The following UHMK1 variants were observed in gnomAD, a reference collection of about 807,000 sequenced individuals.
The protein encoded by UHMK1 is serine/threonine-protein kinase Kist.
A neutral mutation model predicts 44.0 loss-of-function variants in UHMK1; 18 were observed. That is an observed-to-expected ratio of 0.41 (90% CI 0.28 to 0.61). UHMK1 has a LOEUF of 0.61. Ranked by LOEUF, UHMK1 falls within the 20% of genes least tolerant of loss-of-function variation. The pLI is 0.31. For synonymous variants in UHMK1, 231 were observed against 198.5 expected, an observed-to-expected ratio of 1.16 and a Z score of -1.38; for missense variants, 463 against 522.5, an observed-to-expected ratio of 0.89 and a Z score of 1.11.
chr1:162,510,351 G>A (rs561290893), intron 4 of UHMK1, among the ~76,000 whole-genome samples: 13 of 152,188 alleles, frequency 8.5e-5, no homozygotes, highest in Admixed American at 2.6e-4. Flanking sequence ...TTTGGCTTTG[G>A]CCAATGTCTC....
chr1:162,501,135 C>T, intron 3 of UHMK1, 31 bp downstream of exon 3: 2 of 1,596,764 alleles, frequency 1.3e-6, no homozygotes, highest in Non-Finnish European at 1.7e-6. Context: ...GCTTTGGGGT[C>T]CTTACTTTCA....
chr1:162,512,523 G>A lies in UHMK1; in HGVS notation c.872G>A (p.Arg291Lys), dbSNP rs933244552. 6.2e-7 allele frequency: 1 copy of A among 1,612,930 alleles called. No individual in the cohort carries two copies. The highest frequency in any genetic ancestry group is 1.7e-5 in the Admixed American group (1 of 59,720). Residue 291 changes from arginine (R) to lysine (K), a missense_variant, in exon 5 of 8, where the codon AGA (arginine) becomes AAA (lysine). Transcript: ENST00000489294. ...IKSMLHDDPSRRIPAEMALCS... is the reference protein window; with the variant it reads ...IKSMLHDDPSKRIPAEMALCS... The stretch of plus-strand genomic sequence containing the variant: ...AGCATGCTTCATGATGATCCAAGCA[G>A]AAGAATTCCTGCTGAAATGGCATTG...
chr1:162,497,432 A>G, upstream of UHMK1: 1 of 542,894 alleles, frequency 1.8e-6, no homozygotes, highest in Non-Finnish European at 3.3e-6. Context: ...TTACATCTAA[A>G]AGAAGAACAA....
At chr1:162,507,042 T>C (rs1362787928) in intron 4 of UHMK1, among the ~76,000 whole-genome samples, 1 of 152,194 alleles carries the variant, frequency 6.6e-6, no homozygotes, top group African/African-American at 2.4e-5. Context: ...TTCTGTTCTT[T>C]TTGGTTTTCA....
upstream of UHMK1, chr1:162,497,738 A>T (rs149844873): frequency 5.9e-6 from 7 of 1,190,060 alleles, no homozygotes; most frequent in Admixed American, 4.1e-5. Context: ...TAGCGCGTCT[A>T]ATCTCTTCTA....
chr1:162,504,485 G>C (rs934887511), intron 4 of UHMK1, among the ~76,000 whole-genome samples: 2 of 152,226 alleles, frequency 1.3e-5, no homozygotes, highest in South Asian at 2.1e-4. Flanking sequence ...ATTGCTCTTA[G>C]GCTACAACCT....
At chr1:162,501,926 T>TAAA (rs34424551) in intron 3 of UHMK1, among the ~76,000 whole-genome samples, 1 of 130,314 alleles carries the variant, frequency 7.7e-6, no homozygotes, top group Non-Finnish European at 1.6e-5. Flanking sequence ...CAGTCTCTAG[T>TAAA]AAAAAAAAAA....
chr1:162,510,196 CAT>C (rs1651618662), intron 4 of UHMK1, among the ~76,000 whole-genome samples: 1 of 151,996 alleles, frequency 6.6e-6, no homozygotes, highest in Admixed American at 6.6e-5. Context: ...CATTATTTTA[CAT>C]AGTTATTTTT....
In UHMK1 at chr1:162,527,408, T is replaced by C. The variant is rs750381058; in HGVS notation, c.*4858T>C. ...AGAGAAATATCTATAAATCAGAGAGTATTTAGGAAACTTTGTATTTTATAG... is the reference window on the plus strand; with the variant it reads ...AGAGAAATATCTATAAATCAGAGAGCATTTAGGAAACTTTGTATTTTATAG... On this transcript the variant is annotated 3_prime_UTR_variant, in exon 8 of 8. Transcript: ENST00000489294. The C allele has an allele frequency of 3.3e-5, 5 of 151,976 alleles. No individual in the cohort carries two copies. The highest frequency in any genetic ancestry group is 7.4e-5 in the Non-Finnish European group (5 of 67,892). The allele number at this position is 151,976 out of a possible 1,614,324, so 9.4% of individuals were successfully genotyped here. A position where few individuals can be genotyped will look rare whatever the true frequency, so the allele number is the denominator to read the frequency against.
At chr1:162,503,155 A>G (rs532413478) in intron 3 of UHMK1, among the ~76,000 whole-genome samples, 2 of 152,252 alleles carry the variant, frequency 1.3e-5, no homozygotes, top group African/African-American at 4.8e-5. Flanking sequence ...CCTATTATAC[A>G]TTCATTTTTG....
At chr1:162,510,642 T>C (rs1557943470) in intron 4 of UHMK1, among the ~76,000 whole-genome samples, 3 of 152,162 alleles carry the variant, frequency 2.0e-5, no homozygotes, top group Non-Finnish European at 1.5e-5. Context: ...TTTTGTTTTT[T>C]TTTTACTTTT....
chr1:162,500,357 T>A, intron 2 of UHMK1, 110 bp downstream of exon 2: 1 of 1,263,792 alleles, frequency 7.9e-7, no homozygotes, highest in Non-Finnish European at 1.1e-6. Flanking sequence ...CATTTTAACC[T>A]AAATTACTGA....
Position 162,503,777 on chromosome 1 carries a change from T to C in UHMK1, c.777T>C (p.Asp259=), listed in dbSNP as rs148913509. Residue 259 remains aspartate (D), a synonymous_variant, in exon 4 of 8, where the codon GAT becomes GAC. Transcript: ENST00000489294. ...AGGCAAACAGTTCTGCTATTATTGA[T>C]CACATATTTGCCAGTAAAGCAGTGG... ...EWKANSSAII[D]HIFASKAVVN... The C allele has an allele frequency of 2.4e-5, 38 of 1,613,944 alleles. No individual in the cohort carries two copies. The African/African-American group carries it at 4.7e-4, about 20-fold the overall frequency.
At chr1:162,498,381 G>A in intron 1 of UHMK1, 113 bp downstream of exon 1, 1 of 1,336,332 alleles carries the variant, frequency 7.5e-7, no homozygotes, top group Non-Finnish European at 1.0e-6. Flanking sequence ...AGCGGGTTTA[G>A]CCCTCTTTAT....
intron 7 of UHMK1, among the ~76,000 whole-genome samples, chr1:162,522,159 T>C (rs1436432415): frequency 6.6e-6 from 1 of 152,216 alleles, no homozygotes; most frequent in Non-Finnish European, 1.5e-5. Context: ...TTTTCAAAGT[T>C]GAGCTGAGTT....
rs1305030326 is a variant in UHMK1, at chr1:162,498,099, C to T, written c.99C>T (p.Ser33=). Reference sequence around the variant, plus strand: ...TACAGAGCCGTCTGGGTAGCGGCTCCTCCGCCTCGGTGTATCGGGTTCGCT... The same window carrying T: ...TACAGAGCCGTCTGGGTAGCGGCTCTTCCGCCTCGGTGTATCGGGTTCGCT... The part of the protein sequence containing the change: ...WQVQSRLGSG[S]SASVYRVRCC... Residue 33 remains serine (S), a synonymous_variant, in exon 1 of 8, where the codon TCC becomes TCT. Coordinates refer to ENST00000489294, the MANE Select transcript of UHMK1 (RefSeq NM_175866.5). 1 of 1,612,146 alleles carries T rather than the reference C, an allele frequency of 6.2e-7. No individual in the cohort carries two copies. The highest frequency in any genetic ancestry group is 8.5e-7 in the Non-Finnish European group (1 of 1,179,648).
intron 4 of UHMK1, among the ~76,000 whole-genome samples, chr1:162,504,185 C>A (rs1260997835): frequency 1.3e-5 from 2 of 151,984 alleles, no homozygotes; most frequent in African/African-American, 4.8e-5. Context: ...TCCCCTCCCC[C>A]CAAAAAAAGA....
intron 4 of UHMK1, among the ~76,000 whole-genome samples, chr1:162,505,488 G>A (rs1314423488): frequency 6.6e-6 from 1 of 152,216 alleles, no homozygotes; most frequent in Non-Finnish European, 1.5e-5. Context: ...CAGTAGTTTT[G>A]TTTACATCTA....
Position 162,501,200 on chromosome 1 carries a change from C to T in UHMK1, c.753+96C>T, listed in dbSNP as rs866772029. 2.2e-5 allele frequency: 27 copies of T among 1,247,736 alleles called. 1 individual carries two copies. The Middle Eastern group carries it at 3.9e-3, about 181-fold the overall frequency. The allele number at this position is 1,247,736 out of a possible 1,614,324, so 77.3% of individuals were successfully genotyped here. A position where few individuals can be genotyped will look rare whatever the true frequency, so the allele number is the denominator to read the frequency against. ...TTTTTTTTCTTTTGAGATGGAGTTT[C>T]ACTCTTTCACCCAGGCTGGAGTGCA... On this transcript the variant is annotated intron_variant, in intron 3 of 7. Transcript: ENST00000489294.
Sources: allele counts gnomAD v4.1 joint callset (sites outside exome capture counted in the v4.1 genomes callset), GRCh38; gene constraint gnomAD v4.1.1; transcripts MANE v1.5; gene names NCBI Gene and HGNC (gene_info 2026-07-23, HGNC 2026-07-21).